Variants in CTTNBP2 observed in about 807,000 individuals in gnomAD.
CTTNBP2 encodes cortactin binding protein 2.
In CTTNBP2, 108 loss-of-function variants were observed where a neutral mutation model predicts 156.9. The ratio of observed to expected loss-of-function variants is 0.69; its 90% CI spans 0.59 to 0.81. CTTNBP2 has a LOEUF of 0.81. Among genes scored for constraint, CTTNBP2 ranks in the 30% least tolerant of loss-of-function variants. The pLI is 0.00. For synonymous variants in CTTNBP2, 767 were observed against 751.8 expected (o/e 1.02, Z -0.33); for missense variants, 1,924 against 2,035.4 (o/e 0.95, Z 1.05).
chr7:117,834,876 G>C (rs1331347926), intron 2 of CTTNBP2, among the ~76,000 whole-genome samples: 1 of 152,190 alleles, frequency 6.6e-6, no homozygotes, highest in African/African-American at 2.4e-5. Context: ...AAGGTGCTAG[G>C]TTGGGTTTAC....
chr7:117,721,878 C>G (rs1172578422), intron 19 of CTTNBP2, among the ~76,000 whole-genome samples: 1 of 152,152 alleles, frequency 6.6e-6, no homozygotes, highest in Non-Finnish European at 1.5e-5. Context: ...TTGAGAAACA[C>G]TCTTATAAAC....
At chr7:117,822,376 T>C (rs1030225418) in intron 2 of CTTNBP2, among the ~76,000 whole-genome samples, 4 of 151,810 alleles carry the variant, frequency 2.6e-5, no homozygotes, top group African/African-American at 7.3e-5. Flanking sequence ...TTGCATTTCA[T>C]TGACTGCTTC....
chr7:117,823,087 T>C (rs1801064204), intron 2 of CTTNBP2, among the ~76,000 whole-genome samples: 1 of 152,248 alleles, frequency 6.6e-6, no homozygotes, highest in African/African-American at 2.4e-5. Flanking sequence ...TCTTTAACAC[T>C]GGCCCTGTTA....
At chr7:117,727,621 C>T (rs1346436470) in intron 17 of CTTNBP2, among the ~76,000 whole-genome samples, 1 of 152,212 alleles carries the variant, frequency 6.6e-6, no homozygotes, top group Non-Finnish European at 1.5e-5. Flanking sequence ...AATTTTTTCT[C>T]ATTTCAACTT....
intron 22 of CTTNBP2, chr7:117,716,000 C>G (rs1794334536): frequency 6.6e-6 from 1 of 151,824 alleles, no homozygotes; most frequent in Middle Eastern, 3.4e-3. Context: ...TCTGCTGGCA[C>G]TTTCTGAGAA....
intron 22 of CTTNBP2, among the ~76,000 whole-genome samples, chr7:117,712,618 C>T (rs1794120851): frequency 6.6e-6 from 1 of 152,164 alleles, no homozygotes; most frequent in South Asian, 2.1e-4. Flanking sequence ...CACCCAACAG[C>T]AATATAACCA....
At chr7:117,768,565 C>CAAAAAAAAAAAA in intron 8 of CTTNBP2, among the ~76,000 whole-genome samples, 1 of 55,566 alleles carries the variant, frequency 1.8e-5, no homozygotes, top group Non-Finnish European at 4.0e-5. Flanking sequence ...GACTCTGTCT[C>CAAAAAAAAAAAA]AAAAAAAAAA....
At chr7:117,803,041 G>A (rs1176811039) in intron 3 of CTTNBP2, among the ~76,000 whole-genome samples, 1 of 152,120 alleles carries the variant, frequency 6.6e-6, no homozygotes, top group Non-Finnish European at 1.5e-5. Flanking sequence ...TACACCCAAA[G>A]GAAAATACAT....
chr7:117,802,370 T>C (rs1799668984), intron 3 of CTTNBP2, among the ~76,000 whole-genome samples: 2 of 134,660 alleles, frequency 1.5e-5, no homozygotes, highest in African/African-American at 5.3e-5. Flanking sequence ...TATTTAAACA[T>C]AACATCTCAA....
In CTTNBP2 at chr7:117,777,492, C is replaced by T. The variant is rs374656810; in HGVS notation, c.2778+19G>A. On this transcript the variant is annotated intron_variant, in intron 8 of 22. Transcript: ENST00000160373. Reference sequence around the variant, plus strand: ...TCAAATTACAGCTGCATGATGAGGCCAGCTGCTACCAGACACACCTTAAAA... The same window carrying T: ...TCAAATTACAGCTGCATGATGAGGCTAGCTGCTACCAGACACACCTTAAAA... 45 of 1,606,658 alleles carry T rather than the reference C, an allele frequency of 2.8e-5. 1 individual carries two copies. The highest frequency in any genetic ancestry group is 4.5e-5 in the East Asian group (2 of 44,752).
intron 1 of CTTNBP2, among the ~76,000 whole-genome samples, chr7:117,864,661 AATATATATTCATATATTTATATATATTC>A (rs1563077464): frequency 6.8e-5 from 7 of 103,026 alleles, no homozygotes; most frequent in Admixed American, 2.5e-4. Flanking sequence ...TAGATGTATG[AATATATATTCATATATTTATATATATTC>A]ATATATATTC....
intron 3 of CTTNBP2, among the ~76,000 whole-genome samples, chr7:117,801,133 AC>A (rs1472923568): frequency 1.3e-5 from 2 of 152,208 alleles, no homozygotes; most frequent in African/African-American, 4.8e-5. Context: ...GCTTTTCCTT[AC>A]AGTAGAATGC....
At chr7:117,860,143 TACTTAATAAATATATCCTTCTTG>T (rs1255131494) in intron 2 of CTTNBP2, among the ~76,000 whole-genome samples, 1 of 152,116 alleles carries the variant, frequency 6.6e-6, no homozygotes, top group Non-Finnish European at 1.5e-5. Flanking sequence ...GATAAACCCA[TACTTAATAAATATATCCTTCTTG>T]GCCAAATGAC....
intron 8 of CTTNBP2, among the ~76,000 whole-genome samples, chr7:117,776,332 T>C (rs1384592170): frequency 6.6e-6 from 1 of 152,250 alleles, no homozygotes; most frequent in African/African-American, 2.4e-5. Context: ...CTTCTTGATG[T>C]TGTTGCTAAA....
chr7:117,817,454 T>C (rs1271438768), intron 2 of CTTNBP2, among the ~76,000 whole-genome samples: 1 of 146,370 alleles, frequency 6.8e-6, no homozygotes, highest in East Asian at 2.0e-4. Flanking sequence ...AGTTGAAAGT[T>C]GACCATTATT....
rs541397726 is a variant in CTTNBP2, at chr7:117,775,623, G to A, written c.2778+1888C>T. Among the ~76,000 whole-genome samples, 11 of 149,140 alleles carry A rather than the reference G, an allele frequency of 7.4e-5. No individual in the cohort carries two copies. In the East Asian group the frequency reaches 1.2e-3, roughly 16 times the overall value. On this transcript the variant is annotated intron_variant, in intron 8 of 22. Coordinates refer to ENST00000160373, the MANE Select transcript of CTTNBP2 (RefSeq NM_033427.3). ...CCTCTAGGCTGAGTGCAGGTATAAC[G>A]CACTCCTATCATCAACATCTCATAT...
rs1042776951 is a variant in CTTNBP2, at chr7:117,864,679, T to TATATATATTC, written c.82-3373_82-3364dup. Among the ~76,000 whole-genome samples the TATATATATTC allele has an allele frequency of 4.7e-4, 68 of 145,766 alleles. 1 individual carries two copies. The highest frequency in any genetic ancestry group is 1.7e-3 in the African/African-American group (67 of 40,140). ...ATGTATGAATATATATTCATATATT[T>TATATATATTC]ATATATATTCATATATATTCATATA... is the stretch of plus-strand genomic sequence containing the variant. On this transcript the variant is annotated intron_variant, in intron 1 of 22. Transcript: ENST00000160373.
At chr7:117,847,943 C>T (rs375241752) in intron 2 of CTTNBP2, among the ~76,000 whole-genome samples, 2 of 150,962 alleles carry the variant, frequency 1.3e-5, no homozygotes, top group Admixed American at 6.6e-5. Flanking sequence ...CTCAGCCTCC[C>T]GACTAGCTGG....
At chr7:117,755,871 G>C (rs1167847253) in intron 12 of CTTNBP2, among the ~76,000 whole-genome samples, 1 of 152,220 alleles carries the variant, frequency 6.6e-6, no homozygotes, top group Non-Finnish European at 1.5e-5. Flanking sequence ...ATGTGGGCAG[G>C]AATGACGTGT....
Sources: gnomAD v4.1 joint callset for allele counts (sites outside exome capture counted in the v4.1 genomes callset) on GRCh38, gnomAD v4.1.1 for gene constraint, MANE v1.5 for transcripts, NCBI Gene and HGNC (gene_info 2026-07-23, HGNC 2026-07-21) for gene names.